RANBP17: variants seen among roughly 807,000 people sequenced by gnomAD.
The protein encoded by RANBP17 is RAN binding protein 17.
RANBP17 carries 158 observed loss-of-function variants against 141.2 expected under a neutral mutation model. The observed-to-expected ratio is 1.12, with a 90% CI of 0.98 to 1.28. RANBP17 has a LOEUF of 1.28. Ranked by LOEUF, RANBP17 falls within the 50% of genes most tolerant of loss-of-function variation. The pLI, the probability that RANBP17 is intolerant of heterozygous loss-of-function variation, is 0.00. For missense variants in RANBP17, 1,438 were observed against 1,290.7 expected (o/e 1.11, Z -1.75); for synonymous variants, 430 against 450.0 (o/e 0.96, Z 0.56).
At chr5:171,235,322 C>CT (rs554291422) in intron 22 of RANBP17, among the ~76,000 whole-genome samples, 1,427 of 132,418 alleles carry the variant, frequency 0.011, 20 homozygotes, top group African/African-American at 0.034. Context: ...TTGCATGTGT[C>CT]TTTTTTTTTT....
At chr5:170,884,244 C>T (rs915232782) in intron 3 of RANBP17, among the ~76,000 whole-genome samples, 3 of 152,076 alleles carry the variant, frequency 2.0e-5, no homozygotes, top group African/African-American at 4.8e-5. Context: ...TACAATTGAC[C>T]CTTGAACAAT....
chr5:171,183,121 A>T, intron 16 of RANBP17, 46 bp from the exon 17 acceptor site: 1 of 1,004,356 alleles, frequency 1.0e-6, no homozygotes, highest in Non-Finnish European at 1.6e-6. Flanking sequence ...TTTATTACAT[A>T]CTGATATTAC....
intron 14 of RANBP17, among the ~76,000 whole-genome samples, chr5:171,122,480 C>T (rs1248498933): frequency 6.6e-6 from 1 of 152,150 alleles, no homozygotes; most frequent in Non-Finnish European, 1.5e-5. Context: ...AATAGAGCTT[C>T]TAGGAAAAAA....
rs559403341 is a variant in RANBP17, at chr5:171,053,351, T to C, written c.1710+84974T>C. On this transcript the variant is annotated intron_variant, in intron 14 of 27. Transcript: ENST00000523189. ...TAAGAGATAGCTTTTCAACTCTTGCTCCCTTACTTCCCTTCTAATAGTCCC... is the reference window on the plus strand; with the variant it reads ...TAAGAGATAGCTTTTCAACTCTTGCCCCCTTACTTCCCTTCTAATAGTCCC... Among the ~76,000 whole-genome samples the C allele has an allele frequency of 2.6e-5, 4 of 152,268 alleles. No homozygotes were observed. In the South Asian group the frequency reaches 8.3e-4, roughly 32 times the overall value.
In RANBP17 at chr5:171,089,211, C is replaced by T. The variant is rs573394180; in HGVS notation, c.1711-80919C>T. Among the ~76,000 whole-genome samples, 79 of 132,258 alleles carry T rather than the reference C, an allele frequency of 6.0e-4. 1 individual carries two copies. The highest frequency in any genetic ancestry group is 1.5e-3 in the South Asian group (5 of 3,240). The allele number at this position is 132,258 out of a possible 152,430, so 86.8% of individuals were successfully genotyped here. A position where few individuals can be genotyped will look rare whatever the true frequency, so the allele number is the denominator to read the frequency against. ...CCTCAGCTGCAGGTCTGTTGGAATA[C>T]CCTGCAGTGTGAGGTGTCAGTGTGC... On this transcript the variant is annotated intron_variant, in intron 14 of 27. Transcript: ENST00000523189.
intron 12 of RANBP17, among the ~76,000 whole-genome samples, chr5:170,945,011 G>A (rs922689928): frequency 6.6e-6 from 1 of 152,166 alleles, no homozygotes; most frequent in Admixed American, 6.5e-5. Context: ...TGAGCATGGA[G>A]TCTCTCTCTC....
At chr5:171,217,510 G>A (rs1333215633) in intron 21 of RANBP17, among the ~76,000 whole-genome samples, 4 of 152,140 alleles carry the variant, frequency 2.6e-5, no homozygotes, top group Non-Finnish European at 5.9e-5. Flanking sequence ...TGTACCTCTG[G>A]TAGAATTTGG....
chr5:171,249,605 T>G (rs994959207), intron 24 of RANBP17, among the ~76,000 whole-genome samples: 6 of 152,178 alleles, frequency 3.9e-5, no homozygotes, highest in African/African-American at 1.2e-4. Flanking sequence ...ACTGAAGAAT[T>G]CATTGAGGGA....
intron 12 of RANBP17, among the ~76,000 whole-genome samples, chr5:170,931,184 T>C (rs1407884093): frequency 3.3e-5 from 5 of 152,276 alleles, no homozygotes; most frequent in Non-Finnish European, 7.3e-5. Context: ...TTTTTTCATA[T>C]GTCTGTTGGC....
At chr5:170,898,509 A>G (rs1023705019) in intron 5 of RANBP17, among the ~76,000 whole-genome samples, 1 of 151,994 alleles carries the variant, frequency 6.6e-6, no homozygotes, top group African/African-American at 2.4e-5. Context: ...TTCTTTTGCT[A>G]TGCAGAAGCT....
At chr5:171,000,748 GTT>G (rs1779145156) in intron 14 of RANBP17, among the ~76,000 whole-genome samples, 3 of 152,148 alleles carry the variant, frequency 2.0e-5, no homozygotes, top group African/African-American at 4.8e-5. Flanking sequence ...TAGGAGCAAT[GTT>G]TTACGGGCAG....
chr5:170,984,968 GAC>G (rs894461805), intron 14 of RANBP17, among the ~76,000 whole-genome samples: 4 of 151,548 alleles, frequency 2.6e-5, no homozygotes, highest in East Asian at 1.9e-4. Context: ...TTAAAATACA[GAC>G]ACACACACAA....
intron 14 of RANBP17, among the ~76,000 whole-genome samples, chr5:171,021,149 T>G (rs1005072722): frequency 1.3e-5 from 2 of 152,180 alleles, no homozygotes; most frequent in African/African-American, 4.8e-5. Flanking sequence ...CGCTGTTGGT[T>G]TGGTGGGCTT....
intron 14 of RANBP17, among the ~76,000 whole-genome samples, chr5:171,105,339 G>A (rs1056936945): frequency 5.0e-4 from 61 of 121,538 alleles, no homozygotes; most frequent in African/African-American, 1.5e-3. Flanking sequence ...CCGAGATCCC[G>A]CCACTGCACT....
At chr5:171,056,395 C>T (rs1783375530) in intron 14 of RANBP17, among the ~76,000 whole-genome samples, 1 of 152,000 alleles carries the variant, frequency 6.6e-6, no homozygotes, top group Admixed American at 6.6e-5. Context: ...CTTAGGGCAG[C>T]CACAGTCAAA....
intron 20 of RANBP17, among the ~76,000 whole-genome samples, chr5:171,208,397 T>C (rs1762694497): frequency 6.6e-6 from 1 of 152,200 alleles, no homozygotes; most frequent in Non-Finnish European, 1.5e-5. Context: ...GACATACTTC[T>C]TTGCCCCTAT....
intron 12 of RANBP17, among the ~76,000 whole-genome samples, chr5:170,945,408 C>A (rs778328567): frequency 6.6e-6 from 1 of 152,136 alleles, no homozygotes; most frequent in Non-Finnish European, 1.5e-5. Flanking sequence ...AATAGTTACA[C>A]TAGCCAACAT....
At chr5:170,999,578 A>G (rs2127575165) in intron 14 of RANBP17, among the ~76,000 whole-genome samples, 1 of 152,314 alleles carries the variant, frequency 6.6e-6, no homozygotes, top group South Asian at 2.1e-4. Flanking sequence ...TGAATGCTAT[A>G]TACATTTAGT....
intron 14 of RANBP17, among the ~76,000 whole-genome samples, chr5:171,075,042 TG>T (rs141728188): frequency 0.011 from 1,686 of 152,236 alleles, 28 homozygotes; most frequent in African/African-American, 0.038. Context: ...AATTTTTTTT[TG>T]TGAAAAATCA....
Sources: gnomAD v4.1 joint callset for allele counts (sites outside exome capture counted in the v4.1 genomes callset) on GRCh38, gnomAD v4.1.1 for gene constraint, MANE v1.5 for transcripts, NCBI Gene and HGNC (gene_info 2026-07-23, HGNC 2026-07-21) for gene names.